GATA4: variants seen among roughly 807,000 people sequenced by gnomAD.
GATA4 encodes the protein GATA binding protein 4.
A neutral mutation model predicts 37.9 loss-of-function variants in GATA4; 7 were observed. The observed-to-expected ratio is 0.18, with a 90% CI of 0.11 to 0.35. GATA4 has a LOEUF of 0.35. GATA4 is among the 10% of genes least tolerant of loss of function. The pLI is 1.00. For synonymous variants in GATA4, 372 were observed against 292.6 expected (o/e 1.27, Z -2.77); for missense variants, 647 against 653.0 (o/e 0.99, Z 0.10).
At chr8:11,696,550 A>G (rs1229666683) in intron 1 of GATA4, among the ~76,000 whole-genome samples, 1 of 152,250 alleles carries the variant, frequency 6.6e-6, no homozygotes, top group Non-Finnish European at 1.5e-5. Flanking sequence ...TGGGGCAATT[A>G]TGAATAAAGC....
rs759779394 is a variant in GATA4 at position 11,681,871 on chromosome 8, A to G, written c.-274+4808A>G. On this transcript the variant is annotated intron_variant, in intron 1 of 6. Coordinates refer to the GATA4 transcript ENST00000528712. ...AAGGACTGCAGCTTTTCCCTGGCATACTCTGCGCCTTCAGATGTGGTCTGC... is the reference window on the plus strand; with the variant it reads ...AAGGACTGCAGCTTTTCCCTGGCATGCTCTGCGCCTTCAGATGTGGTCTGC... Among the ~76,000 whole-genome samples the G allele has an allele frequency of 2.0e-5, 3 of 151,956 alleles. No individual in the cohort carries two copies. The East Asian group carries it at 5.8e-4, about 29-fold the overall frequency.
intron 1 of GATA4, among the ~76,000 whole-genome samples, chr8:11,694,875 C>G (rs900226204): frequency 6.6e-6 from 1 of 152,180 alleles, no homozygotes; most frequent in Non-Finnish European, 1.5e-5. Flanking sequence ...CACTCACACA[C>G]ACACCTCACT....
In GATA4 at chr8:11,684,077, C is replaced by T. The variant is rs376197287; in HGVS notation, c.-274+7014C>T. Among the ~76,000 whole-genome samples, 26 of 152,248 alleles carry T rather than the reference C, an allele frequency of 1.7e-4. No homozygotes were observed. The East Asian group carries it at 2.7e-3, about 16-fold the overall frequency. On this transcript the variant is annotated intron_variant, in intron 1 of 6. Transcript: ENST00000528712. ...CATGTCCTCAGCCATAACTGGCTGG[C>T]CACGACCTGGGCTGTGCCATGGCTC...
chr8:11,714,585 G>T (rs1040249591), intron 2 of GATA4, among the ~76,000 whole-genome samples: 9 of 152,182 alleles, frequency 5.9e-5, no homozygotes, highest in Non-Finnish European at 1.2e-4. Flanking sequence ...GTGGTGCTAA[G>T]CTGAGAACGA....
chr8:11,704,875 G>A (rs1053793914), intron 1 of GATA4, among the ~76,000 whole-genome samples: 1 of 152,252 alleles, frequency 6.6e-6, no homozygotes, highest in African/African-American at 2.4e-5. Flanking sequence ...CTCGCCCTCG[G>A]GGCTGGGGTC....
chr8:11,757,151 C>A (rs1802627428), intron 6 of GATA4, 68 bp downstream of exon 6: 3 of 1,594,354 alleles, frequency 1.9e-6, no homozygotes, highest in African/African-American at 1.3e-5. Flanking sequence ...CAGAGGCCAG[C>A]CTAGTACTGG....
At position 11,758,331 on chromosome 8, in the gene GATA4, C is replaced by A. The variant is rs755053632; in HGVS notation, c.1188C>A (p.Ser396=). ...GTGCGATGTCTGGCCATGGGCCCTC[C>A]ATCCACCCTGTCCTCTCGGCCCTGA... ...SVSAMSGHGP[S]IHPVLSALKL... Residue 396 remains serine, a synonymous_variant, in exon 7 of 7, where the codon TCC becomes TCA. Coordinates refer to ENST00000532059, the MANE Select transcript of GATA4 (RefSeq NM_001308093.3). 1.9e-6 allele frequency: 3 copies of A among 1,614,176 alleles called. No individual in the cohort carries two copies. The highest frequency in any genetic ancestry group is 2.2e-5 in the East Asian group (1 of 44,880).
intron 2 of GATA4, among the ~76,000 whole-genome samples, chr8:11,732,241 C>T (rs1263270671): frequency 1.3e-5 from 2 of 152,200 alleles, no homozygotes; most frequent in African/African-American, 2.4e-5. Flanking sequence ...GCTTCATGCT[C>T]TACCTAAGAT....
chr8:11,757,507 C>T (rs1462913651), intron 6 of GATA4, among the ~76,000 whole-genome samples: 3 of 152,166 alleles, frequency 2.0e-5, no homozygotes, highest in Non-Finnish European at 2.9e-5. Context: ...GGAGGCCGAG[C>T]GGAGGTTCTC....
chr8:11,718,546 A>C (rs1435113114), intron 2 of GATA4, among the ~76,000 whole-genome samples: 2 of 152,250 alleles, frequency 1.3e-5, no homozygotes, highest in Non-Finnish European at 2.9e-5. Context: ...AGGATAAAAA[A>C]TCAAGAAGTT....
rs534350733 is a variant in GATA4, at chr8:11,685,960, G to A, written c.-274+8897G>A. ...AGCCAGGTGTTCAGAAAGGAAGGCC[G>A]TTTGAAGGCAAGAGAGCCAAAGCGG... On this transcript the variant is annotated intron_variant, in intron 1 of 6. Coordinates refer to the GATA4 transcript ENST00000528712. Among the ~76,000 whole-genome samples, 42 of 152,322 alleles carry A rather than the reference G, an allele frequency of 2.8e-4. No homozygotes were observed. The South Asian group carries it at 6.8e-3, about 25-fold the overall frequency.
At chr8:11,756,851 AC>A in intron 5 of GATA4, 83 bp from the exon 6 acceptor site, 6 of 1,578,020 alleles carry the variant, frequency 3.8e-6, no homozygotes, top group Non-Finnish European at 3.5e-6. Flanking sequence ...ATTAGCTTGC[AC>A]CCATCCCGGC....
upstream of GATA4, among the ~76,000 whole-genome samples, chr8:11,703,283 C>A (rs1453995619): frequency 6.6e-6 from 1 of 152,126 alleles, no homozygotes; most frequent in East Asian, 1.9e-4. Flanking sequence ...GGTAATAGGG[C>A]CCTGTGATTG....
intron 2 of GATA4, among the ~76,000 whole-genome samples, chr8:11,710,683 C>A (rs1800139593): frequency 1.3e-5 from 1 of 76,306 alleles, no homozygotes; most frequent in African/African-American, 5.1e-5. Context: ...AACAAGACTA[C>A]GTCTCAAAAA....
intron 2 of GATA4, among the ~76,000 whole-genome samples, chr8:11,710,382 C>G (rs1315834903): frequency 6.6e-6 from 1 of 152,076 alleles, no homozygotes; most frequent in Non-Finnish European, 1.5e-5. Context: ...GAGTGCGGGG[C>G]GGGGCGCGGC....
chr8:11,703,246 G>C (rs1799746333), upstream of GATA4, among the ~76,000 whole-genome samples: 1 of 152,154 alleles, frequency 6.6e-6, no homozygotes, highest in East Asian at 1.9e-4. Context: ...GCTGAAGGCT[G>C]CGGTAATCGA....
At chr8:11,703,233 G>A (rs1170745487), upstream of GATA4, among the ~76,000 whole-genome samples, 1 of 152,062 alleles carries the variant, frequency 6.6e-6, no homozygotes, top group Admixed American at 6.5e-5. Flanking sequence ...GCTGTTATCT[G>A]GGGCTGAAGG....
chr8:11,741,693 A>G (rs984150571), intron 2 of GATA4, among the ~76,000 whole-genome samples: 49 of 152,328 alleles, frequency 3.2e-4, no homozygotes, highest in African/African-American at 1.2e-3. Flanking sequence ...GAAGGTCTCA[A>G]AATCTAATCT....
At chr8:11,730,475 CAG>C (rs1482355909) in intron 2 of GATA4, among the ~76,000 whole-genome samples, 3 of 152,168 alleles carry the variant, frequency 2.0e-5, no homozygotes, top group Admixed American at 6.5e-5. Context: ...GAATGTGAAA[CAG>C]GGGGATCTGA....
Sources: gnomAD v4.1 joint callset for allele counts (sites outside exome capture counted in the v4.1 genomes callset) on GRCh38, gnomAD v4.1.1 for gene constraint, MANE v1.5 for transcripts, NCBI Gene and HGNC (gene_info 2026-07-23, HGNC 2026-07-21) for gene names.